The following AHCYL1 variants were observed in gnomAD, a reference collection of about 807,000 sequenced individuals.
AHCYL1 encodes the protein adenosylhomocysteinase like 1.
In AHCYL1, 20 loss-of-function variants were observed where a neutral mutation model predicts 79.3. The observed-to-expected ratio is 0.25, with a 90% CI of 0.18 to 0.37. AHCYL1 has a LOEUF of 0.37. Ranked by LOEUF, AHCYL1 falls within the 10% of genes least tolerant of loss-of-function variation. The pLI, the probability that AHCYL1 is intolerant of heterozygous loss-of-function variation, is 1.00. For missense variants in AHCYL1, 330 were observed against 673.6 expected, an observed-to-expected ratio of 0.49 and a Z score of 5.65; for synonymous variants, 223 against 242.2, an observed-to-expected ratio of 0.92 and a Z score of 0.74.
chr1:110,018,103 T>TTTATA, intron 11 of AHCYL1, 87 bp downstream of exon 11: 3 of 1,380,498 alleles, frequency 2.2e-6, no homozygotes, highest in Non-Finnish European at 3.1e-6. Flanking sequence ...AGGTGAGACC[T>TTTATA]CTGTTCAGTA....
chr1:110,004,763 C>T (rs957362675), intron 1 of AHCYL1, among the ~76,000 whole-genome samples: 2 of 151,870 alleles, frequency 1.3e-5, no homozygotes, highest in Non-Finnish European at 2.9e-5. Context: ...AGAGAGAGAA[C>T]GTAAGGAAGT....
At chr1:110,001,146 A>G (rs915024290) in intron 1 of AHCYL1, among the ~76,000 whole-genome samples, 6 of 152,194 alleles carry the variant, frequency 3.9e-5, no homozygotes, top group African/African-American at 1.4e-4. Flanking sequence ...TCTAGCAGTG[A>G]TATATATTGA....
At chr1:110,016,825 A>C in intron 9 of AHCYL1, 95 bp downstream of exon 9, 1 of 1,425,376 alleles carries the variant, frequency 7.0e-7, no homozygotes, top group Non-Finnish European at 9.6e-7. Flanking sequence ...AGTCACTGAT[A>C]CAAGGTTTAA....
intron 1 of AHCYL1, among the ~76,000 whole-genome samples, chr1:109,993,681 A>C (rs908008073): frequency 6.6e-6 from 1 of 152,234 alleles, no homozygotes; most frequent in Non-Finnish European, 1.5e-5. Context: ...GTCAGGGAGA[A>C]GACATCTGAA....
chr1:110,008,915 G>A (rs1408859104), intron 1 of AHCYL1, 119 bp from the exon 2 acceptor site: 1 of 697,130 alleles, frequency 1.4e-6, no homozygotes, highest in East Asian at 3.1e-5. Flanking sequence ...AAAGTTGCTG[G>A]CTTAGTAGGA....
At chr1:110,020,683 A>G in intron 15 of AHCYL1, 48 bp from the exon 16 acceptor site, 1 of 1,532,920 alleles carries the variant, frequency 6.5e-7, no homozygotes, top group Non-Finnish European at 8.8e-7. Context: ...ATAACTTGAG[A>G]GACATTTTGA....
chr1:110,003,730 GTAGTAGA>G (rs1431780213), intron 1 of AHCYL1, among the ~76,000 whole-genome samples: 1 of 152,184 alleles, frequency 6.6e-6, no homozygotes, highest in Admixed American at 6.5e-5. Context: ...AACTAGGTAG[GTAGTAGA>G]TAGCTAAATA....
intron 9 of AHCYL1, among the ~76,000 whole-genome samples, chr1:110,016,994 G>A (rs1651459167): frequency 1.3e-5 from 2 of 152,122 alleles, no homozygotes; most frequent in South Asian, 4.1e-4. Flanking sequence ...AACCTTTAAT[G>A]AGACTTAATT....
At chr1:109,985,434 CT>C in intron 1 of AHCYL1, 1 of 1,187,346 alleles carries the variant, frequency 8.4e-7, no homozygotes. Flanking sequence ...TTGCGACTGA[CT>C]TTTCCTGGAT....
rs1384305051 is a variant in AHCYL1 at position 110,023,111 on chromosome 1, G to T, written c.*1431G>T. ...GATTTTAAATCCTCAACTTGTTCTA[G>T]CTTGTGATCCCTCAAAGTTGGGTCA... is the stretch of plus-strand genomic sequence containing the variant. On this transcript the variant is annotated 3_prime_UTR_variant, in exon 17 of 17. Coordinates refer to ENST00000369799, the MANE Select transcript of AHCYL1 (RefSeq NM_006621.7). The T allele has an allele frequency of 6.6e-6, 1 of 152,542 alleles. No homozygotes were observed. The highest frequency in any genetic ancestry group is 1.9e-4 in the East Asian group (1 of 5,196). 9.4% of individuals were successfully genotyped at this position (152,542 alleles called of 1,614,324 possible). A position where few individuals can be genotyped will look rare whatever the true frequency, so the allele number is the denominator to read the frequency against.
chr1:110,009,126 C>T lies in AHCYL1; in HGVS notation c.213C>T (p.Ser71=). The change falls in exon 2 of 17, where the codon TCC becomes TCT. Residue 71 remains serine (S), a synonymous_variant. Transcript: ENST00000369799. ...TGTCTCGCTCGATCTCACAGTCCTC[C>T]ACTGACAGCTACAGTTCAGGTAGGT... ...RSLSRSISQS[S]TDSYSSAASY... The T allele has an allele frequency of 6.2e-7, 1 of 1,613,660 alleles. No individual in the cohort carries two copies. Among genetic ancestry groups the T allele is most frequent in the South Asian group, 1.1e-5 (1 of 91,066 alleles).
intron 1 of AHCYL1, among the ~76,000 whole-genome samples, chr1:109,990,218 ATAG>A (rs1158279822): frequency 2.0e-5 from 3 of 152,204 alleles, no homozygotes; most frequent in Non-Finnish European, 4.4e-5. Flanking sequence ...CTACCATCTA[ATAG>A]TTGTGGGACA....
intron 2 of AHCYL1, 121 bp downstream of exon 2, chr1:110,009,266 G>C: frequency 4.8e-6 from 4 of 826,368 alleles, no homozygotes; most frequent in Non-Finnish European, 7.4e-6. Flanking sequence ...GCTGAAAACT[G>C]TTAGTGGCTG....
chr1:110,006,911 A>G (rs1650690854), intron 1 of AHCYL1, among the ~76,000 whole-genome samples: 2 of 152,200 alleles, frequency 1.3e-5, no homozygotes, highest in Non-Finnish European at 2.9e-5. Context: ...AATATGGACC[A>G]TATTCATTAT....
At chr1:110,008,075 T>G (rs1365095398) in intron 1 of AHCYL1, among the ~76,000 whole-genome samples, 2 of 140,888 alleles carry the variant, frequency 1.4e-5, no homozygotes, top group Non-Finnish European at 3.0e-5. Context: ...CAGGCTGGAG[T>G]GCAGTGGCAC....
rs56041506 is a variant in AHCYL1 at position 109,997,377 on chromosome 1, A to C, written c.121-11657A>C. ...TAGAGATTAGAGAAAGATGACAGGA[A>C]GAAAAGGAGGGCAGAACTCAGACAG... On this transcript the variant is annotated intron_variant, in intron 1 of 16. Coordinates refer to ENST00000369799, the MANE Select transcript of AHCYL1 (RefSeq NM_006621.7). Among the ~76,000 whole-genome samples the C allele has an allele frequency of 3.7e-3, 569 of 152,330 alleles. 6 individuals carry two copies. Among genetic ancestry groups the C allele is most frequent in the Non-Finnish European group, 6.3e-3 (428 of 68,030 alleles).
At chr1:110,005,420 A>G (rs1650584778) in intron 1 of AHCYL1, among the ~76,000 whole-genome samples, 2 of 152,358 alleles carry the variant, frequency 1.3e-5, no homozygotes, top group African/African-American at 4.8e-5. Context: ...GTGAAATTCC[A>G]TGCCAAAGCC....
In AHCYL1 at chr1:110,016,336, C is replaced by G. The variant is rs1338988571; in HGVS notation, c.783-8C>G. The stretch of plus-strand genomic sequence containing the variant: ...TTTGTTTGTTTTTGTGACCTCTTCT[C>G]TCTTTAGGCTGTATCAGCTCTCCAA... On this transcript the variant is annotated splice_polypyrimidine_tract_variant and splice_region_variant and intron_variant, in intron 7 of 16. Coordinates refer to ENST00000369799, the MANE Select transcript of AHCYL1 (RefSeq NM_006621.7). The G allele has an allele frequency of 6.2e-7, 1 of 1,602,060 alleles. No homozygotes were observed. The highest frequency in any genetic ancestry group is 8.5e-7 in the Non-Finnish European group (1 of 1,175,416).
chr1:110,019,038 C>G lies in AHCYL1; in HGVS notation c.1318-13C>G, dbSNP rs1479780989. The G allele has an allele frequency of 6.2e-7, 1 of 1,613,900 alleles. No individual in the cohort carries two copies. Among genetic ancestry groups the G allele is most frequent in the Non-Finnish European group, 8.5e-7 (1 of 1,179,894 alleles). On this transcript the variant is annotated splice_polypyrimidine_tract_variant and intron_variant, in intron 13 of 16. Coordinates refer to ENST00000369799, the MANE Select transcript of AHCYL1 (RefSeq NM_006621.7). Reference sequence around the variant, plus strand: ...GACAGAGCTCATCCCAGGGCTCTCTCTTACCTTTCCAGGGTCGTCTACTCA... The same window carrying G: ...GACAGAGCTCATCCCAGGGCTCTCTGTTACCTTTCCAGGGTCGTCTACTCA...
Sources: allele counts gnomAD v4.1 joint callset (sites outside exome capture counted in the v4.1 genomes callset), GRCh38; gene constraint gnomAD v4.1.1; transcripts MANE v1.5; gene names NCBI Gene and HGNC (gene_info 2026-07-23, HGNC 2026-07-21).